ITPR1: variants seen among roughly 807,000 people sequenced by gnomAD.
ITPR1 encodes the protein inositol 1,4,5-trisphosphate-gated calcium channel ITPR1.
A neutral mutation model predicts 318.4 loss-of-function variants in ITPR1; 96 were observed. The ratio of observed to expected loss-of-function variants is 0.30; its 90% CI spans 0.26 to 0.36. The LOEUF (loss-of-function observed/expected upper bound fraction) is 0.36. ITPR1 is among the 10% of genes least tolerant of loss of function. The probability of loss-of-function intolerance (pLI) is 1.00; values close to 1 mark genes in which losing one functional copy is unlikely to be tolerated. For missense variants in ITPR1, 2,440 were observed against 3,460.2 expected (o/e 0.71, Z 7.40); for synonymous variants, 1,312 against 1,289.9 (o/e 1.02, Z -0.37).
At chr3:4,804,805 G>A (rs1262938770) in intron 54 of ITPR1, among the ~76,000 whole-genome samples, 3 of 152,190 alleles carry the variant, frequency 2.0e-5, no homozygotes, top group Non-Finnish European at 2.9e-5. Flanking sequence ...AAAGCCAGCA[G>A]CGATCTGTGG....
In ITPR1 at chr3:4,788,152, G is replaced by T. The variant is rs374084743; in HGVS notation, c.6808+13G>T. The T allele has an allele frequency of 1.9e-6, 3 of 1,585,710 alleles. No individual in the cohort carries two copies. The highest frequency in any genetic ancestry group is 1.2e-5 in the South Asian group (1 of 86,820). ...AAGAAACTGAGAGGTGGGTTCCAAC[G>T]CATCAGCAACAACACAGAGAGACAC... On this transcript the variant is annotated intron_variant, in intron 52 of 61. Transcript: ENST00000649015.
intron 4 of ITPR1, among the ~76,000 whole-genome samples, chr3:4,591,105 A>C (rs1029190017): frequency 6.6e-6 from 1 of 151,568 alleles, no homozygotes; most frequent in Non-Finnish European, 1.5e-5. Flanking sequence ...GATTTACTAC[A>C]TTTTCTTTAT....
chr3:4,738,073 C>T (rs556130673), intron 44 of ITPR1, among the ~76,000 whole-genome samples: 3 of 152,050 alleles, frequency 2.0e-5, no homozygotes, highest in East Asian at 1.9e-4. Flanking sequence ...AGGTGGAGGT[C>T]GGAAGGAGGG....
intron 32 of ITPR1, among the ~76,000 whole-genome samples, chr3:4,692,233 T>C (rs1427212778): frequency 1.3e-5 from 2 of 151,976 alleles, no homozygotes; most frequent in Non-Finnish European, 2.9e-5. Flanking sequence ...ATGAGATACA[T>C]TACTTGACCT....
At chr3:4,836,657 G>T in intron 60 of ITPR1, 117 bp from the exon 61 acceptor site, 1 of 1,018,164 alleles carries the variant, frequency 9.8e-7, no homozygotes, top group South Asian at 4.2e-5. Flanking sequence ...GCCATAGAAG[G>T]AGATAACCTA....
At chr3:4,709,419 T>C (rs1234347029) in intron 37 of ITPR1, among the ~76,000 whole-genome samples, 1 of 152,244 alleles carries the variant, frequency 6.6e-6, no homozygotes, top group Admixed American at 6.5e-5. Flanking sequence ...AGTTAATTCT[T>C]TGTCAATCCC....
intron 7 of ITPR1, 61 bp from the exon 8 acceptor site, chr3:4,644,075 G>T: frequency 2.8e-6 from 3 of 1,085,484 alleles, no homozygotes; most frequent in Admixed American, 3.9e-5. Flanking sequence ...GAACTGCCCA[G>T]TGGTCAATCC....
chr3:4,575,304 T>C (rs1004590382), intron 4 of ITPR1, among the ~76,000 whole-genome samples: 6 of 152,238 alleles, frequency 3.9e-5, no homozygotes, highest in African/African-American at 1.4e-4. Flanking sequence ...AAATGGGATT[T>C]ATCTATCATC....
At chr3:4,553,580 G>A (rs1160138797) in intron 4 of ITPR1, among the ~76,000 whole-genome samples, 8 of 149,224 alleles carry the variant, frequency 5.4e-5, no homozygotes, top group African/African-American at 1.7e-4. Flanking sequence ...ACAAGCGCGT[G>A]CCACCACGCC....
chr3:4,736,872 C>G (rs1398887000), intron 44 of ITPR1, among the ~76,000 whole-genome samples: 1 of 152,260 alleles, frequency 6.6e-6, no homozygotes, highest in South Asian at 2.1e-4. Flanking sequence ...TGCTGCTATA[C>G]CAGGGGCGAT....
Position 4,775,400 on chromosome 3 carries a change from A to G in ITPR1, c.6138A>G (p.Glu2046=). The change falls in exon 47 of 62, where the codon GAA becomes GAG. Residue 2046 remains glutamate, a synonymous_variant. Transcript: ENST00000649015. ...TAGCGCTTATCAACCAAACCCTGGA[A>G]AGTCTGACCGAATACTGTCAAGGAC... ...KNVALINQTL[E]SLTEYCQGPC... 2 of 1,613,968 alleles carry G rather than the reference A, an allele frequency of 1.2e-6. No homozygotes were observed. The highest frequency in any genetic ancestry group is 1.7e-6 in the Non-Finnish European group (2 of 1,179,820).
At chr3:4,754,332 G>A (rs553891420) in intron 44 of ITPR1, among the ~76,000 whole-genome samples, 8 of 152,242 alleles carry the variant, frequency 5.3e-5, no homozygotes, top group South Asian at 2.1e-4. Flanking sequence ...CCCTCCTCCC[G>A]GGAAGAGGAC....
At chr3:4,808,656 G>A (rs996232205) in intron 55 of ITPR1, among the ~76,000 whole-genome samples, 1 of 152,188 alleles carries the variant, frequency 6.6e-6, no homozygotes, top group African/African-American at 2.4e-5. Context: ...TACTCAATGT[G>A]TCTGGTAAGA....
At chr3:4,702,128 G>GAAATTA (rs2094667873) in intron 35 of ITPR1, among the ~76,000 whole-genome samples, 1 of 102,538 alleles carries the variant, frequency 9.8e-6, no homozygotes, top group Non-Finnish European at 2.6e-5. Context: ...AATGTACTCA[G>GAAATTA]AAAGTCAGTG....
At chr3:4,754,094 A>G (rs1161035405) in intron 44 of ITPR1, among the ~76,000 whole-genome samples, 1 of 150,022 alleles carries the variant, frequency 6.7e-6, no homozygotes, top group African/African-American at 2.5e-5. Flanking sequence ...TATAAATTTC[A>G]AGTTGAATTC....
intron 4 of ITPR1, among the ~76,000 whole-genome samples, chr3:4,577,480 T>C (rs757903356): frequency 5.9e-5 from 9 of 152,208 alleles, no homozygotes; most frequent in Admixed American, 1.3e-4. Context: ...GCTAGATGTC[T>C]GGAGAGAGCA....
At chr3:4,718,310 G>T (rs1057146872) in intron 40 of ITPR1, among the ~76,000 whole-genome samples, 1 of 152,182 alleles carries the variant, frequency 6.6e-6, no homozygotes, top group Non-Finnish European at 1.5e-5. Flanking sequence ...TCACTTCTCT[G>T]ATCTACTTCA....
chr3:4,769,991 C>A (rs1160975612), intron 46 of ITPR1, among the ~76,000 whole-genome samples: 3 of 152,190 alleles, frequency 2.0e-5, no homozygotes, highest in African/African-American at 7.2e-5. Context: ...AAACCACCCC[C>A]TTTTTGCCTG....
Position 4,683,397 on chromosome 3 carries a change from C to A in ITPR1, c.3173C>A (p.Thr1058Asn). ...TTGTGCTCCTTTAGTGAGGAGAACA[C>A]CCCACTGGACTTGGATGACCACGGC... is the stretch of plus-strand genomic sequence containing the variant. ...EGIFGGSEEN[T>N]PLDLDDHGGR... The change falls in exon 27 of 62, where the codon ACC (threonine) becomes AAC (asparagine). Residue 1058 changes from threonine (T) to asparagine (N), a missense_variant. By Grantham distance (65) the Thr-to-Asn change is moderately conservative (BLOSUM62 0). This residue lies in a region of ITPR1 where 76 missense variants were observed against 132.2 expected (regional missense o/e 0.58). Coordinates refer to ENST00000649015, the MANE Select transcript of ITPR1 (RefSeq NM_001378452.1). 2 of 1,614,004 alleles carry A rather than the reference C, an allele frequency of 1.2e-6. No individual in the cohort carries two copies. The highest frequency in any genetic ancestry group is 1.1e-5 in the South Asian group (1 of 91,080).
Sources: allele counts gnomAD v4.1 joint callset (sites outside exome capture counted in the v4.1 genomes callset), GRCh38; gene constraint gnomAD v4.1.1; regional missense constraint gnomAD v4.1.1; transcripts MANE v1.5; gene names NCBI Gene and HGNC (gene_info 2026-07-23, HGNC 2026-07-21).